Variants in FBXO10 observed in about 807,000 individuals in gnomAD.
The protein encoded by FBXO10 is F-box only protein 10.
In FBXO10, 39 loss-of-function variants were observed where a neutral mutation model predicts 80.7. The ratio of observed to expected loss-of-function variants is 0.48; its 90% confidence interval spans 0.37 to 0.63. The LOEUF (loss-of-function observed/expected upper bound fraction) is 0.63, where lower values mean the gene tolerates loss of function less well. Among genes scored for constraint, FBXO10 ranks in the 30% least tolerant of loss-of-function variants. The probability of loss-of-function intolerance (pLI) is 0.00; values close to 1 mark genes in which losing one functional copy is unlikely to be tolerated. For missense variants in FBXO10, 1,025 were observed against 1,269.0 expected (o/e 0.81, Z 2.92); for synonymous variants, 449 against 489.6 (o/e 0.92, Z 1.09).
At chr9:37,575,514 C>T (rs1026566314) in intron 1 of FBXO10, 3 of 152,196 alleles carry the variant, frequency 2.0e-5, no homozygotes, top group South Asian at 4.1e-4. Flanking sequence ...AACCCATGAG[C>T]TTATTACCTC....
intron 1 of FBXO10, chr9:37,575,722 G>A (rs1423743309): frequency 6.6e-6 from 1 of 152,280 alleles, no homozygotes; most frequent in African/African-American, 2.4e-5. Context: ...AACCGTCTGA[G>A]AGGCTTGAGA....
At chr9:37,553,318 C>T (rs553328861) in intron 1 of FBXO10, among the ~76,000 whole-genome samples, 33 of 152,192 alleles carry the variant, frequency 2.2e-4, no homozygotes, top group Non-Finnish European at 4.1e-4. Context: ...GGATTACAGG[C>T]GTGAGCCACC....
chr9:37,564,249 T>A (rs1004545736), intron 1 of FBXO10, among the ~76,000 whole-genome samples: 2 of 152,172 alleles, frequency 1.3e-5, no homozygotes, highest in African/African-American at 4.8e-5. Context: ...CTACTTAGAT[T>A]TTAGAGCATG....
intron 1 of FBXO10, among the ~76,000 whole-genome samples, chr9:37,566,225 A>G (rs1822602166): frequency 6.6e-6 from 1 of 152,212 alleles, no homozygotes; most frequent in African/African-American, 2.4e-5. Context: ...TCACATTTGT[A>G]TAACAAGGGA....
chr9:37,541,943 C>T (rs954639037), intron 1 of FBXO10, among the ~76,000 whole-genome samples, 169 bp from the exon 2 acceptor site: 1 of 152,184 alleles, frequency 6.6e-6, no homozygotes, highest in Admixed American at 6.5e-5. Context: ...AATTCTCCTG[C>T]CTCAGCCTCC....
intron 2 of FBXO10, among the ~76,000 whole-genome samples, chr9:37,539,005 T>C (rs1211157329): frequency 6.6e-6 from 1 of 152,134 alleles, no homozygotes; most frequent in African/African-American, 2.4e-5. Context: ...TGAGAAGCAG[T>C]CTTGGTGAGG....
intron 8 of FBXO10, among the ~76,000 whole-genome samples, chr9:37,518,793 GCCGCCTCAAGGCTGCTCACTC>G (rs1185399240): frequency 6.6e-6 from 1 of 152,118 alleles, no homozygotes; most frequent in Non-Finnish European, 1.5e-5. Flanking sequence ...GGTGCTCACT[GCCGCCTCAAGGCTGCTCACTC>G]CCCCTCTGGA....
chr9:37,529,622 C>G (rs533374409), intron 4 of FBXO10, among the ~76,000 whole-genome samples: 1 of 152,290 alleles, frequency 6.6e-6, no homozygotes, highest in African/African-American at 2.4e-5. Flanking sequence ...CCAGGGAGGC[C>G]ATCTCTTGAG....
intron 3 of FBXO10, 109 bp from the exon 4 acceptor site, chr9:37,532,167 C>T (rs1156545470): frequency 1.1e-5 from 14 of 1,261,010 alleles, no homozygotes; most frequent in Non-Finnish European, 1.5e-5. Context: ...TGCAGTTTAC[C>T]CCGTAGGCAA....
chr9:37,565,063 C>T (rs2119186570), intron 1 of FBXO10, among the ~76,000 whole-genome samples: 1 of 152,184 alleles, frequency 6.6e-6, no homozygotes, highest in East Asian at 1.9e-4. Context: ...GGCACGGTTT[C>T]CCCCATGCTG....
At chr9:37,575,942 G>A (rs547191693) in intron 1 of FBXO10, among the ~76,000 whole-genome samples, 1 of 152,308 alleles carries the variant, frequency 6.6e-6, no homozygotes, top group East Asian at 1.9e-4. Flanking sequence ...CATGCTCCGC[G>A]TCCGGTAGTT....
At chr9:37,532,833 A>G (rs553061659) in intron 3 of FBXO10, among the ~76,000 whole-genome samples, 68 of 152,326 alleles carry the variant, frequency 4.5e-4, no homozygotes, top group African/African-American at 1.6e-3. Context: ...GGGTGCAGCT[A>G]CTTTTAATGA....
intron 1 of FBXO10, among the ~76,000 whole-genome samples, chr9:37,561,430 A>G (rs1240744799): frequency 2.0e-5 from 3 of 152,112 alleles, no homozygotes; most frequent in Admixed American, 6.5e-5. Context: ...AGGTATCCAC[A>G]TGCCTCTGGG....
intron 1 of FBXO10, among the ~76,000 whole-genome samples, chr9:37,558,258 T>C (rs1448310175): frequency 6.6e-6 from 1 of 152,256 alleles, no homozygotes; most frequent in Non-Finnish European, 1.5e-5. Flanking sequence ...TATGGTCTTT[T>C]GCAGGACTTT....
intron 1 of FBXO10, 32 bp from the exon 2 acceptor site, chr9:37,541,806 C>T (rs1408315311): frequency 6.6e-7 from 1 of 1,509,004 alleles, no homozygotes; most frequent in South Asian, 1.3e-5. Context: ...AAAGAGATTT[C>T]TGTCTATCCT....
chr9:37,567,509 T>C (rs1200598794), intron 1 of FBXO10, among the ~76,000 whole-genome samples: 1 of 152,136 alleles, frequency 6.6e-6, no homozygotes, highest in East Asian at 1.9e-4. Flanking sequence ...TCAATTCCTA[T>C]GAGTAAACAT....
chr9:37,544,284 T>G (rs1411102460), intron 1 of FBXO10, among the ~76,000 whole-genome samples: 2 of 151,626 alleles, frequency 1.3e-5, no homozygotes, highest in African/African-American at 4.8e-5. Context: ...AAAACAAAAA[T>G]TAGCCAGGTG....
At chr9:37,553,916 CAAAAAAAAAAA>C (rs71494669) in intron 1 of FBXO10, among the ~76,000 whole-genome samples, 3 of 64,332 alleles carry the variant, frequency 4.7e-5, no homozygotes, top group African/African-American at 1.3e-4. Context: ...AAGTCTGCCT[CAAAAAAAAAAA>C]AAAAAAAAAA....
rs138376243 is a variant in FBXO10, at chr9:37,549,746, T to C, written c.-6-7972A>G. Reference sequence around the variant, plus strand: ...CATTACTTGAAGGAGAGCTCACTTGTTCCTGTCACCTGCACTTCCTGCATG... The same window carrying C: ...CATTACTTGAAGGAGAGCTCACTTGCTCCTGTCACCTGCACTTCCTGCATG... On this transcript the variant is annotated intron_variant, in intron 1 of 10. Coordinates refer to ENST00000432825, the MANE Select transcript of FBXO10 (RefSeq NM_012166.3). 2.5e-3 allele frequency among the ~76,000 whole-genome samples: 387 copies of C among 152,350 alleles called. 1 individual carries two copies. The highest frequency in any genetic ancestry group is 0.01 in the Middle Eastern group (3 of 294).
Sources: allele counts gnomAD v4.1 joint callset (sites outside exome capture counted in the v4.1 genomes callset), GRCh38; gene constraint gnomAD v4.1.1; transcripts MANE v1.5; gene names NCBI Gene and HGNC (gene_info 2026-07-23, HGNC 2026-07-21).